The following SH3TC1 variants were observed in gnomAD, a reference collection of about 807,000 sequenced individuals.
SH3TC1 encodes the protein SH3 domain and tetratricopeptide repeats 1, also known as SH3 domain and tetratricopeptide repeat-containing protein 1.
In SH3TC1, 135 loss-of-function variants were observed where a neutral mutation model predicts 117.3. The ratio of observed to expected loss-of-function variants is 1.15; its 90% CI spans 1.00 to 1.33. SH3TC1 has a LOEUF of 1.33. Ranked by LOEUF, SH3TC1 falls within the 40% of genes most tolerant of loss-of-function variation. The probability of loss-of-function intolerance (pLI) is 0.00; values close to 1 mark genes in which losing one functional copy is unlikely to be tolerated. For synonymous variants in SH3TC1, 898 were observed against 816.9 expected (o/e 1.10, Z -1.69); for missense variants, 2,092 against 1,794.3 (o/e 1.17, Z -3.00).
intron 1 of SH3TC1, chr4:8,182,289 A>G (rs2152973207): frequency 6.6e-6 from 1 of 152,338 alleles, no homozygotes; most frequent in East Asian, 1.9e-4. Flanking sequence ...CCCCATGCTC[A>G]GTGTCACCTG....
rs753419954 is a variant in SH3TC1 at position 8,227,779 on chromosome 4, C to A, written c.2085C>A (p.His695Gln). 1.9e-6 allele frequency: 3 copies of A among 1,612,578 alleles called. No individual in the cohort carries two copies. The South Asian group carries it at 3.3e-5, about 18-fold the overall frequency. Reference sequence around the variant, plus strand: ...TCCTAGAGCGGCTGCTGCTTTTGCACAGGGACTCGGGAGCCCCAGAGGCCG... The same window carrying A: ...TCCTAGAGCGGCTGCTGCTTTTGCAAAGGGACTCGGGAGCCCCAGAGGCCG... ...LPFLERLLLL[H>Q]RDSGAPEAAW... The change falls in exon 12 of 18, where the codon CAC becomes CAA. Residue 695 changes from histidine to glutamine, a missense_variant. By Grantham distance (24) the His-to-Gln change is conservative. Coordinates refer to ENST00000245105, the MANE Select transcript of SH3TC1 (RefSeq NM_018986.5).
At chr4:8,218,392 C>T in intron 8 of SH3TC1, 45 bp downstream of exon 8, 1 of 1,456,056 alleles carries the variant, frequency 6.9e-7, no homozygotes, top group East Asian at 2.3e-5. Context: ...AATGTGTGTG[C>T]TAGGGAGCAG....
rs112151647 is a variant in SH3TC1, at chr4:8,205,159, G to T, written c.-28-8G>T. On this transcript the variant is annotated splice_region_variant and splice_polypyrimidine_tract_variant and intron_variant, in intron 1 of 17. Coordinates refer to ENST00000245105, the MANE Select transcript of SH3TC1 (RefSeq NM_018986.5). This position sits in a 1 kb window ranked among gnomAD's most constrained non-coding sequence, Gnocchi z 5.4. ...CACCTCTCCTGACCACACCCCCTCTGTCCACAGGGCCAGGCATGTGAGGTC... is the reference window on the plus strand; with the variant it reads ...CACCTCTCCTGACCACACCCCCTCTTTCCACAGGGCCAGGCATGTGAGGTC... The T allele has an allele frequency of 7.7e-4, 1,137 of 1,470,360 alleles. 6 individuals are homozygous for T. The African/African-American group carries it at 0.012, about 15-fold the overall frequency. 91.1% of individuals were successfully genotyped at this position (1,470,360 alleles called of 1,614,324 possible).
intron 1 of SH3TC1, among the ~76,000 whole-genome samples, chr4:8,182,881 C>T (rs1247587298): frequency 2.0e-5 from 3 of 152,206 alleles, no homozygotes; most frequent in Non-Finnish European, 4.4e-5. Flanking sequence ...AAGCCTCAGT[C>T]CCCCTCATGG....
chr4:8,215,067 G>C, intron 5 of SH3TC1: 3 of 441,832 alleles, frequency 6.8e-6, no homozygotes, highest in Non-Finnish European at 1.4e-5. Flanking sequence ...GAGAAATGCC[G>C]GGTAGGCGGA....
chr4:8,191,390 C>T (rs996820696), intron 1 of SH3TC1, among the ~76,000 whole-genome samples: 2 of 152,254 alleles, frequency 1.3e-5, no homozygotes, highest in African/African-American at 4.8e-5. Context: ...GGCCCAGCCA[C>T]CCATCCGGCT....
Position 8,217,147 on chromosome 4 carries a change from G to A in SH3TC1, c.819G>A (p.Glu273=), listed in dbSNP as rs1294223853. ...SEEVAVAAAP[E]PLIPFHQWAL... Reference sequence around the variant, plus strand: ...AGGTGGCAGTGGCGGCCGCCCCGGAGCCTTTGATTCCATTTCATCAGTAGG... The same window carrying A: ...AGGTGGCAGTGGCGGCCGCCCCGGAACCTTTGATTCCATTTCATCAGTAGG... Residue 273 remains glutamate (E), a synonymous_variant, in exon 7 of 18, where the codon GAG becomes GAA. Transcript: ENST00000245105. 6.2e-7 allele frequency: 1 copy of A among 1,610,332 alleles called. No homozygotes were observed. The highest frequency in any genetic ancestry group is 8.5e-7 in the Non-Finnish European group (1 of 1,178,542).
At chr4:8,236,088 T>C in intron 15 of SH3TC1, 190 bp from the exon 16 acceptor site, 3 of 672,346 alleles carry the variant, frequency 4.5e-6, no homozygotes, top group Non-Finnish European at 7.0e-6. Flanking sequence ...TGTAGCTGGA[T>C]GGGCCTCAGG....
intron 7 of SH3TC1, among the ~76,000 whole-genome samples, chr4:8,217,736 T>C (rs1719438195): frequency 6.6e-6 from 1 of 152,246 alleles, no homozygotes; most frequent in Non-Finnish European, 1.5e-5. Context: ...TCCTATGTGC[T>C]CTGGCCAGTG....
At position 8,231,989 on chromosome 4, in the gene SH3TC1, C is replaced by G. The variant is rs112791846; in HGVS notation, c.2964C>G (p.Ala988=). 2 of 1,611,800 alleles carry G rather than the reference C, an allele frequency of 1.2e-6. No individual in the cohort carries two copies. Residue 988 remains alanine, a synonymous_variant, in exon 13 of 18, where the codon GCC becomes GCG. Coordinates refer to ENST00000245105, the MANE Select transcript of SH3TC1 (RefSeq NM_018986.5). ...TCTTCTGCCCAGGCCAGCTGCGGGC[C>G]GTCCAGCGGCTGTGCCACTTCTACA... The part of the protein sequence containing the change: ...EMGHVESQLR[A]VQRLCHFYSA...
rs931242856 is a variant in SH3TC1, at chr4:8,216,891, TG to T, written c.629-60del. ...CTTCGTTGTCTGTCCGGCAGGGGTG[TG>T]GGGGGCAGGGCCACAGCTGCGCCCA... On this transcript the variant is annotated intron_variant, in intron 6 of 17. Coordinates refer to ENST00000245105, the MANE Select transcript of SH3TC1 (RefSeq NM_018986.5). The T allele has an allele frequency of 2.6e-5, 40 of 1,531,228 alleles. No individual in the cohort carries two copies. In the African/African-American group the frequency reaches 3.8e-4, roughly 15 times the overall value. The allele number at this position is 1,531,228 out of a possible 1,614,324, so 94.9% of individuals were successfully genotyped here.
chr4:8,191,643 G>T (rs538963019), intron 1 of SH3TC1, among the ~76,000 whole-genome samples: 1 of 152,214 alleles, frequency 6.6e-6, no homozygotes, highest in Non-Finnish European at 1.5e-5. Context: ...CCAGGCTAGC[G>T]GCTTATCATG....
chr4:8,213,042 G>C (rs531422086), intron 4 of SH3TC1: 2 of 599,468 alleles, frequency 3.3e-6, no homozygotes, highest in East Asian at 6.4e-5. Flanking sequence ...CACTGTGATC[G>C]TCCCTCTGCT....
intron 9 of SH3TC1, among the ~76,000 whole-genome samples, chr4:8,221,542 GCA>G (rs1293960774): frequency 6.6e-6 from 1 of 151,866 alleles, no homozygotes; most frequent in Non-Finnish European, 1.5e-5. Flanking sequence ...CACCCAGATT[GCA>G]CAAATGTTAA....
At chr4:8,239,726 A>C (rs1475748479) in intron 17 of SH3TC1, among the ~76,000 whole-genome samples, 1 of 152,180 alleles carries the variant, frequency 6.6e-6, no homozygotes, top group Non-Finnish European at 1.5e-5. Flanking sequence ...CCCCAGGCTG[A>C]GTCTGGGGCC....
In SH3TC1 at chr4:8,228,368, G is replaced by T. The variant is rs763416710; in HGVS notation, c.2674G>T (p.Val892Leu). Residue 892 changes from valine (V) to leucine (L), a missense_variant, in exon 12 of 18, where the codon GTG (valine) becomes TTG (leucine). Transcript: ENST00000245105. ...AAESYYRALR[V>L]ARDLGQQRNQ... ...TGAGAGCTACTACCGCGCCCTGCGG[G>T]TGGCTCGGGACCTGGGCCAGCAAAG... 2 of 1,611,572 alleles carry T rather than the reference G, an allele frequency of 1.2e-6. No individual in the cohort carries two copies. The highest frequency in any genetic ancestry group is 2.2e-5 in the South Asian group (2 of 91,026).
upstream of SH3TC1, among the ~76,000 whole-genome samples, chr4:8,197,283 G>A (rs2152975551): frequency 6.6e-6 from 1 of 152,262 alleles, no homozygotes; most frequent in Middle Eastern, 3.4e-3. Context: ...TGGCCCTTCC[G>A]ACAGCTTGAT....
chr4:8,219,458 G>A lies in SH3TC1; in HGVS notation c.1040G>A (p.Gly347Asp). Residue 347 changes from glycine to aspartate, a missense_variant, in exon 9 of 18, where the codon GGC becomes GAC. Transcript: ENST00000245105. ...AQVPSLPWCVGRHAASGRVGF... is the reference protein window; with the variant it reads ...AQVPSLPWCVDRHAASGRVGF... Reference sequence around the variant, plus strand: ...GTGCCCAGCCTGCCCTGGTGCGTGGGCCGACACGCAGCCTCGGGCCGGGTG... The same window carrying A: ...GTGCCCAGCCTGCCCTGGTGCGTGGACCGACACGCAGCCTCGGGCCGGGTG... The A allele has an allele frequency of 6.2e-7, 1 of 1,608,092 alleles. No individual in the cohort carries two copies. Among genetic ancestry groups the A allele is most frequent in the Non-Finnish European group, 8.5e-7 (1 of 1,176,554 alleles).
At chr4:8,238,127 G>A (rs572147091) in intron 17 of SH3TC1, among the ~76,000 whole-genome samples, 1 of 152,316 alleles carries the variant, frequency 6.6e-6, no homozygotes, top group African/African-American at 2.4e-5. Flanking sequence ...AGCCTGCCAG[G>A]GTGCCAGCCT....
Sources: allele counts gnomAD v4.1 joint callset (sites outside exome capture counted in the v4.1 genomes callset), GRCh38; gene constraint gnomAD v4.1.1; non-coding constraint Gnocchi (gnomAD v3.1); transcripts MANE v1.5; gene names NCBI Gene and HGNC (gene_info 2026-07-23, HGNC 2026-07-21).